The following ACBD6 variants were observed in gnomAD, a reference collection of about 807,000 sequenced individuals.
ACBD6 encodes acyl-CoA-binding domain-containing protein 6.
Under a neutral mutation model 37.2 loss-of-function variants are expected in ACBD6, and 28 were observed. That is an observed-to-expected ratio of 0.75 (90% CI 0.56 to 1.03). The LOEUF is 1.03. Ranked by LOEUF, ACBD6 falls within the 50% of genes least tolerant of loss-of-function variation. ACBD6 has a pLI of 0.00. For synonymous variants in ACBD6, 113 were observed against 126.8 expected, an observed-to-expected ratio of 0.89 and a Z score of 0.73; for missense variants, 340 against 337.4, an observed-to-expected ratio of 1.01 and a Z score of -0.06.
At chr1:180,297,798 T>C (rs913796554) in intron 7 of ACBD6, among the ~76,000 whole-genome samples, 10 of 152,356 alleles carry the variant, frequency 6.6e-5, no homozygotes, top group African/African-American at 2.2e-4. Flanking sequence ...TGGAGTGCAA[T>C]GGCACGATCT....
At chr1:180,287,199 G>A (rs1649531231), downstream of ACBD6, 1 of 30,836 alleles carries the variant, frequency 3.2e-5, no homozygotes, top group African/African-American at 5.8e-5. Flanking sequence ...CCAGGAGTTT[G>A]AGACCACCCT....
chr1:180,421,706 A>G (rs769849053), intron 4 of ACBD6, among the ~76,000 whole-genome samples: 1 of 152,102 alleles, frequency 6.6e-6, no homozygotes, highest in Non-Finnish European at 1.5e-5. Context: ...GACTGTTACT[A>G]AAAGAGAGGC....
chr1:180,463,404 C>T (rs879285489), intron 3 of ACBD6, among the ~76,000 whole-genome samples: 12 of 151,944 alleles, frequency 7.9e-5, no homozygotes, highest in Non-Finnish European at 1.6e-4. Context: ...ATACAAATGA[C>T]CATCAGAGAA....
At chr1:180,392,225 T>C (rs964147627) in intron 6 of ACBD6, among the ~76,000 whole-genome samples, 7 of 151,350 alleles carry the variant, frequency 4.6e-5, no homozygotes, top group Admixed American at 1.3e-4. Flanking sequence ...TAATTTGAAA[T>C]AGGTGGTAGT....
exon 14 of ACBD6, chr1:180,270,660 G>A (rs957507140): frequency 6.5e-6 from 1 of 153,370 alleles, no homozygotes; most frequent in Non-Finnish European, 1.4e-5. Flanking sequence ...AAAAAATTTT[G>A]ACTACAATCC....
At chr1:180,399,928 A>G (rs545693926) in intron 5 of ACBD6, among the ~76,000 whole-genome samples, 6 of 152,308 alleles carry the variant, frequency 3.9e-5, no homozygotes, top group Admixed American at 2.0e-4. Context: ...GATGTGTGAT[A>G]TATTTACATA....
intron 7 of ACBD6, among the ~76,000 whole-genome samples, chr1:180,306,261 A>C (rs910889278): frequency 1.3e-5 from 2 of 151,868 alleles, no homozygotes; most frequent in Admixed American, 6.6e-5. Context: ...TAAAAAAAAA[A>C]CAAACAAAAC....
chr1:180,356,011 G>A (rs1429606787), intron 6 of ACBD6, among the ~76,000 whole-genome samples: 2 of 150,542 alleles, frequency 1.3e-5, no homozygotes, highest in African/African-American at 4.9e-5. Flanking sequence ...GGGACTACAG[G>A]CACACGCCAC....
chr1:180,399,929 T>C (rs182952196), intron 5 of ACBD6, among the ~76,000 whole-genome samples: 92 of 152,242 alleles, frequency 6.0e-4, no homozygotes, highest in Non-Finnish European at 1.0e-3. Flanking sequence ...ATGTGTGATA[T>C]ATTTACATAG....
rs551166424 is a variant in ACBD6 at position 180,282,430 on chromosome 1, G to T, written c.*94-1044C>A. 3.9e-5 allele frequency among the ~76,000 whole-genome samples: 6 copies of T among 152,296 alleles called. No individual in the cohort carries two copies. The East Asian group carries it at 1.2e-3, about 29-fold the overall frequency. ...AAGAGCAAGAGAGACCATTAAAATGGTAAATAGATTTCAACAGATGGCTTC... is the reference window on the plus strand; with the variant it reads ...AAGAGCAAGAGAGACCATTAAAATGTTAAATAGATTTCAACAGATGGCTTC... On this transcript the variant is annotated intron_variant, in intron 8 of 13. Coordinates refer to the ACBD6 transcript ENST00000642319.
intron 3 of ACBD6, among the ~76,000 whole-genome samples, chr1:180,450,621 G>T (rs914213337): frequency 1.3e-5 from 2 of 152,120 alleles, no homozygotes; most frequent in African/African-American, 4.8e-5. Context: ...TTAGCCAGGC[G>T]TGGTGGCAGG....
intron 3 of ACBD6, among the ~76,000 whole-genome samples, chr1:180,444,616 T>C (rs928702355): frequency 6.6e-6 from 1 of 152,254 alleles, no homozygotes; most frequent in African/African-American, 2.4e-5. Context: ...CTTTACCCTC[T>C]TGATATCCAC....
chr1:180,329,876 GTCTT>G (rs1651412132), intron 6 of ACBD6, among the ~76,000 whole-genome samples: 1 of 152,070 alleles, frequency 6.6e-6, no homozygotes, highest in Non-Finnish European at 1.5e-5. Context: ...TTTACTGGCT[GTCTT>G]TCTGTTTCCG....
Position 180,478,726 on chromosome 1 carries a change from T to C in ACBD6, c.384+13543A>G. On this transcript the variant is annotated intron_variant, in intron 3 of 7. Coordinates refer to ENST00000367595, the MANE Select transcript of ACBD6 (RefSeq NM_032360.4). ...CTCAAACTCCTGACCTCAGATGATC[T>C]GCCCACCTTGGCCTCCCAAAGTGCT... Among the ~76,000 whole-genome samples, 2 of 152,138 alleles carry C rather than the reference T, an allele frequency of 1.3e-5. 1 individual carries two copies. The highest frequency in any genetic ancestry group is 1.3e-4 in the Admixed American group (2 of 15,276).
chr1:180,461,478 T>C (rs997181677), intron 3 of ACBD6, among the ~76,000 whole-genome samples: 1 of 151,960 alleles, frequency 6.6e-6, no homozygotes, highest in African/African-American at 2.4e-5. Flanking sequence ...TTTTCTAAGG[T>C]TGAAATGACA....
intron 7 of ACBD6, among the ~76,000 whole-genome samples, chr1:180,310,937 G>C (rs569045214): frequency 7.9e-5 from 12 of 152,214 alleles, no homozygotes; most frequent in African/African-American, 2.9e-4. Flanking sequence ...AGGGTCTCTC[G>C]TGTTTCTGCA....
At chr1:180,422,052 T>TACTA (rs1557863092) in intron 4 of ACBD6, among the ~76,000 whole-genome samples, 3 of 152,328 alleles carry the variant, frequency 2.0e-5, no homozygotes, top group Admixed American at 2.0e-4. Context: ...TCTCAAATCA[T>TACTA]AGTAGAGTCT....
chr1:180,501,492 T>C (rs1651971367), intron 1 of ACBD6, among the ~76,000 whole-genome samples: 1 of 152,260 alleles, frequency 6.6e-6, no homozygotes, highest in East Asian at 1.9e-4. Flanking sequence ...CACGCTCGGC[T>C]AACTTAGTAG....
At chr1:180,385,009 G>C (rs1215772851) in intron 6 of ACBD6, among the ~76,000 whole-genome samples, 1 of 152,112 alleles carries the variant, frequency 6.6e-6, no homozygotes, top group Non-Finnish European at 1.5e-5. Context: ...AAAGTGTGCT[G>C]GTGGGAGGTA....
Sources: allele counts gnomAD v4.1 joint callset (sites outside exome capture counted in the v4.1 genomes callset), GRCh38; gene constraint gnomAD v4.1.1; transcripts MANE v1.5; gene names NCBI Gene and HGNC (gene_info 2026-07-23, HGNC 2026-07-21).